DNAH11: variants seen among roughly 807,000 people sequenced by gnomAD.
DNAH11 encodes the protein axonemal beta dynein heavy chain 11.
DNAH11 carries 442 observed loss-of-function variants against 526.0 expected under a neutral mutation model. The ratio of observed to expected loss-of-function variants is 0.84; its 90% confidence interval spans 0.78 to 0.91. The LOEUF (loss-of-function observed/expected upper bound fraction) is 0.91. Among genes scored for constraint, DNAH11 ranks in the 40% least tolerant of loss-of-function variants. The pLI, the probability that DNAH11 is intolerant of heterozygous loss-of-function variation, is 0.00. For synonymous variants in DNAH11, 2,461 were observed against 1,935.9 expected (o/e 1.27, Z -7.12); for missense variants, 6,989 against 5,448.7 (o/e 1.28, Z -8.90).
chr7:21,631,586 T>C (rs1004021989), intron 25 of DNAH11, among the ~76,000 whole-genome samples: 2 of 152,216 alleles, frequency 1.3e-5, no homozygotes, highest in Non-Finnish European at 2.9e-5. Flanking sequence ...ACAGGCCCCA[T>C]GCAAGTCTGA....
chr7:21,887,141 C>T (rs1458819156), intron 76 of DNAH11, among the ~76,000 whole-genome samples: 5 of 152,184 alleles, frequency 3.3e-5, no homozygotes, highest in Non-Finnish European at 2.9e-5. Flanking sequence ...GATCAAAAAG[C>T]AACCCATTCA....
At chr7:21,645,526 C>T (rs978874959) in intron 28 of DNAH11, among the ~76,000 whole-genome samples, 9 of 151,940 alleles carry the variant, frequency 5.9e-5, no homozygotes, top group African/African-American at 1.5e-4. Flanking sequence ...TCAAGAGGCT[C>T]GTGGAACTTG....
At chr7:21,636,477 A>G (rs1786871821) in intron 26 of DNAH11, among the ~76,000 whole-genome samples, 2 of 152,078 alleles carry the variant, frequency 1.3e-5, no homozygotes, top group Non-Finnish European at 2.9e-5. Context: ...GCTCACACCT[A>G]TAATCCCAGC....
At chr7:21,900,326 T>G (rs1215301048) in intron 81 of DNAH11, among the ~76,000 whole-genome samples, 1 of 108,016 alleles carries the variant, frequency 9.3e-6, no homozygotes, top group Non-Finnish European at 2.3e-5. Flanking sequence ...GTGATGGCTA[T>G]CACTTAAATT....
intron 28 of DNAH11, among the ~76,000 whole-genome samples, chr7:21,655,239 T>G (rs1398800182): frequency 6.6e-6 from 1 of 152,138 alleles, no homozygotes; most frequent in Non-Finnish European, 1.5e-5. Flanking sequence ...GTCCACTTAC[T>G]TTTAGTTATG....
chr7:21,755,805 G>A (rs868424465), intron 54 of DNAH11, among the ~76,000 whole-genome samples: 2 of 151,994 alleles, frequency 1.3e-5, no homozygotes, highest in African/African-American at 4.8e-5. Context: ...TCAAGAATTT[G>A]GTGTATGGAA....
chr7:21,789,764 T>TC (rs1788357073), intron 61 of DNAH11, among the ~76,000 whole-genome samples: 2 of 34,560 alleles, frequency 5.8e-5, no homozygotes, highest in Admixed American at 4.1e-4. Context: ...TTTCTTTCTC[T>TC]CTTTCTTTCT....
At chr7:21,841,159 G>A (rs1326723299) in intron 65 of DNAH11, among the ~76,000 whole-genome samples, 1 of 152,094 alleles carries the variant, frequency 6.6e-6, no homozygotes, top group Non-Finnish European at 1.5e-5. Flanking sequence ...ATTTCAGCCT[G>A]GGTGAAGGAG....
At chr7:21,808,123 T>A in intron 63 of DNAH11, 74 bp downstream of exon 63, 1 of 1,238,790 alleles carries the variant, frequency 8.1e-7, no homozygotes, top group Non-Finnish European at 1.0e-6. Flanking sequence ...CCCACATATA[T>A]GCCAGGCGCT....
chr7:21,577,621 C>A (rs570623988), intron 8 of DNAH11, among the ~76,000 whole-genome samples: 6 of 152,164 alleles, frequency 3.9e-5, no homozygotes, highest in African/African-American at 1.4e-4. Context: ...CCCAACCCAG[C>A]GGTAACAAGG....
chr7:21,707,814 C>T lies in DNAH11; in HGVS notation c.6662C>T (p.Thr2221Ile), dbSNP rs373624232. ...CTCTTTGGTTTCATACATCATGCTACCCGAGAATGGAAAGATGGCAAGTAG... is the reference window on the plus strand; with the variant it reads ...CTCTTTGGTTTCATACATCATGCTATCCGAGAATGGAAAGATGGCAAGTAG... ...DELFGFIHHATREWKDGKIVY... is the reference protein window; with the variant it reads ...DELFGFIHHAIREWKDGKIVY... Residue 2221 changes from threonine to isoleucine, a missense_variant, in exon 40 of 82, where the codon ACC (threonine) becomes ATC (isoleucine). Thr to Ile is a moderately conservative substitution (Grantham distance 89, BLOSUM62 -1). Transcript: ENST00000409508. 25 of 1,598,432 alleles carry T rather than the reference C, an allele frequency of 1.6e-5. No individual in the cohort carries two copies. The African/African-American group carries it at 3.1e-4, about 20-fold the overall frequency.
chr7:21,710,436 C>T (rs1016593468), intron 40 of DNAH11, 117 bp from the exon 41 acceptor site: 1 of 819,908 alleles, frequency 1.2e-6, no homozygotes, highest in African/African-American at 1.8e-5. Flanking sequence ...GTGTTACACA[C>T]TGCCCGCAAG....
chr7:21,601,468 T>C lies in DNAH11; in HGVS notation c.3498T>C (p.His1166=). ...AGAGAGAATTAAATGAAGGTGATCATGATGGTTTAGTTGACATCATGGTGC... is the reference window on the plus strand; with the variant it reads ...AGAGAGAATTAAATGAAGGTGATCACGATGGTTTAGTTGACATCATGGTGC... ...GLQRELNEGD[H]DGLVDIMVHL... is the part of the protein sequence containing the mutation. The change falls in exon 18 of 82, where the codon CAT becomes CAC. Residue 1166 remains histidine (H), a synonymous_variant. Transcript: ENST00000409508. 6.2e-7 allele frequency: 1 copy of C among 1,613,854 alleles called. No individual in the cohort carries two copies. Among genetic ancestry groups the C allele is most frequent in the East Asian group, 2.2e-5 (1 of 44,876 alleles).
chr7:21,702,882 G>A (rs1784123127), intron 37 of DNAH11, 80 bp downstream of exon 37: 4 of 1,227,240 alleles, frequency 3.3e-6, no homozygotes, highest in Middle Eastern at 3.8e-4. Flanking sequence ...CTGGATGGTG[G>A]GGCATGGACA....
intron 2 of DNAH11, among the ~76,000 whole-genome samples, chr7:21,556,199 C>CT (rs1415523643): frequency 1.3e-5 from 2 of 152,152 alleles, no homozygotes; most frequent in East Asian, 3.9e-4. Flanking sequence ...ACTTTCCTCC[C>CT]TTTTAGGGGC....
At chr7:21,663,330 AG>A (rs1165116771) in intron 30 of DNAH11, among the ~76,000 whole-genome samples, 1 of 152,104 alleles carries the variant, frequency 6.6e-6, no homozygotes, top group African/African-American at 2.4e-5. Flanking sequence ...TTTTCCTTTC[AG>A]TAGATACTTG....
chr7:21,788,923 A>G (rs970476715), intron 60 of DNAH11, among the ~76,000 whole-genome samples: 1 of 152,228 alleles, frequency 6.6e-6, no homozygotes, highest in African/African-American at 2.4e-5. Context: ...TTAAATAAGT[A>G]AAATAATGGT....
chr7:21,776,279 TCATTAGGTATTTGTGCATGGAATG>T (rs1327057334), intron 56 of DNAH11, among the ~76,000 whole-genome samples: 3 of 152,220 alleles, frequency 2.0e-5, no homozygotes, highest in Non-Finnish European at 4.4e-5. Flanking sequence ...TGATTTCTTT[TCATTAGGTATTTGTGCATGGAATG>T]CTCTTACTAT....
chr7:21,768,947 A>G (rs978287365), intron 55 of DNAH11, among the ~76,000 whole-genome samples: 3 of 152,196 alleles, frequency 2.0e-5, no homozygotes, highest in Non-Finnish European at 4.4e-5. Flanking sequence ...TACATATGTA[A>G]CTAACCTGCA....
Sources: allele counts gnomAD v4.1 joint callset (sites outside exome capture counted in the v4.1 genomes callset), GRCh38; gene constraint gnomAD v4.1.1; transcripts MANE v1.5; gene names NCBI Gene and HGNC (gene_info 2026-07-23, HGNC 2026-07-21).